Variants in TAAR2 observed in about 807,000 individuals in gnomAD.
TAAR2 encodes the protein trace amine-associated receptor 2.
A neutral mutation model predicts 25.5 loss-of-function variants in TAAR2; 30 were observed. The ratio of observed to expected loss-of-function variants is 1.18; its 90% CI spans 0.88 to 1.60. TAAR2 has a LOEUF of 1.60. TAAR2 is among the 40% of genes most tolerant of loss of function. The pLI, the probability that TAAR2 is intolerant of heterozygous loss-of-function variation, is 0.00. For missense variants in TAAR2, 481 were observed against 416.5 expected, an observed-to-expected ratio of 1.15 and a Z score of -1.35; for synonymous variants, 150 against 142.4, an observed-to-expected ratio of 1.05 and a Z score of -0.38.
In TAAR2 at chr6:132,617,603, G is replaced by A. The variant is rs753176941; in HGVS notation, c.603C>T (p.Cys201=). 1 of 1,613,960 alleles carries A rather than the reference G, an allele frequency of 6.2e-7. No individual in the cohort carries two copies. The highest frequency in any genetic ancestry group is 1.1e-5 in the South Asian group (1 of 91,082). Residue 201 remains cysteine (C), a synonymous_variant, in exon 2 of 2, where the codon TGC becomes TGT. Transcript: ENST00000367931. ...CCCATAGCTTGTTGAACATCACTGG[G>A]CAGGAACTGGAACAAGCAACCAAGA... ...YDILVACSSS[C]PVMFNKLWGT...
In TAAR2 at chr6:132,617,239, G is replaced by T. The variant is rs760868119; in HGVS notation, c.967C>A (p.Arg323Ser). The change falls in exon 2 of 2, where the codon CGC (arginine) becomes AGC (serine). Residue 323 changes from arginine (R) to serine (S), a missense_variant. Physicochemically the swap from Arg to Ser is moderately radical, Grantham distance 110 (BLOSUM62 -1). Transcript: ENST00000367931. ...LIYGFFYPWF[R>S]RALKYILLGK... ...AGCAAAATGTACTTCAGTGCTCTGC[G>T]AAACCAGGGATAGAAGAAACCATAT... The T allele has an allele frequency of 6.2e-7, 1 of 1,613,294 alleles. No individual in the cohort carries two copies.
Position 132,617,363 on chromosome 6 carries a change from T to C in TAAR2, c.843A>G (p.Thr281=). 1.2e-6 allele frequency: 2 copies of C among 1,613,642 alleles called. No individual in the cohort carries two copies. Among genetic ancestry groups the C allele is most frequent in the Non-Finnish European group, 1.7e-6 (2 of 1,179,838 alleles). The change falls in exon 2 of 2, where the codon ACA becomes ACG. Residue 281 remains threonine, a synonymous_variant. Transcript: ENST00000367931. ...FLLCWFPCFF[T]ILLDPFLNFS... ...AGTTCAAAAAGGGATCCAATAAAAT[T>C]GTGAAGAAACAAGGAAACCAACATA...
Position 132,617,616 on chromosome 6 carries a change from C to A in TAAR2, c.590G>T (p.Cys197Phe). 1.9e-6 allele frequency: 3 copies of A among 1,613,998 alleles called. No individual in the cohort carries two copies. Among genetic ancestry groups the A allele is most frequent in the African/African-American group, 1.3e-5 (1 of 75,036 alleles). Residue 197 changes from cysteine (C) to phenylalanine (F), a missense_variant, in exon 2 of 2, where the codon TGT becomes TTT. Transcript: ENST00000367931. Reference sequence around the variant, plus strand: ...GAACATCACTGGGCAGGAACTGGAACAAGCAACCAAGATGTCATAGCCCTC... The same window carrying A: ...GAACATCACTGGGCAGGAACTGGAAAAAGCAACCAAGATGTCATAGCCCTC... ...GIEGYDILVA[C>F]SSSCPVMFNK...
At chr6:132,622,617 CT>C (rs1777390129) in intron 1 of TAAR2, among the ~76,000 whole-genome samples, 1 of 151,000 alleles carries the variant, frequency 6.6e-6, no homozygotes, top group Non-Finnish European at 1.5e-5. Flanking sequence ...TCCTGAGTAG[CT>C]GGGACTACAG....
intron 1 of TAAR2, among the ~76,000 whole-genome samples, chr6:132,624,011 T>A (rs923281118): frequency 2.0e-5 from 3 of 152,180 alleles, no homozygotes; most frequent in Non-Finnish European, 4.4e-5. Flanking sequence ...CCATATTTTG[T>A]CTCACATGCT....
At chr6:132,618,954 C>T (rs1020196747) in intron 1 of TAAR2, among the ~76,000 whole-genome samples, 5 of 152,066 alleles carry the variant, frequency 3.3e-5, no homozygotes, top group African/African-American at 1.2e-4. Flanking sequence ...TTTATTCATA[C>T]GAATGTTGTT....
chr6:132,622,745 A>G (rs1777391854), intron 1 of TAAR2, among the ~76,000 whole-genome samples: 1 of 151,898 alleles, frequency 6.6e-6, no homozygotes, highest in Non-Finnish European at 1.5e-5. Flanking sequence ...TGGCCTCCCA[A>G]AGTTCTGGAA....
intron 1 of TAAR2, among the ~76,000 whole-genome samples, chr6:132,623,541 A>T (rs1452252676): frequency 6.6e-6 from 1 of 152,166 alleles, no homozygotes; most frequent in Non-Finnish European, 1.5e-5. Context: ...CATCTTCCAC[A>T]TACCGGCAGA....
rs745619816 is a variant in TAAR2 at position 132,617,556 on chromosome 6, C to T, written c.650G>A (p.Gly217Asp). The T allele has an allele frequency of 6.2e-7, 1 of 1,613,992 alleles. No homozygotes were observed. Among genetic ancestry groups the T allele is most frequent in the South Asian group, 1.1e-5 (1 of 91,076 alleles). Residue 217 changes from glycine to aspartate, a missense_variant, in exon 2 of 2, where the codon GGT becomes GAT. Coordinates refer to ENST00000367931, the MANE Select transcript of TAAR2 (RefSeq NM_001033080.1). ...CATCATAGACCCAGGAGTGAAGAAA[C>T]CTGCCATAAACAAGGTGGTCCCCCA... is the stretch of plus-strand genomic sequence containing the variant. Reference protein sequence around the residue: ...KLWGTTLFMAGFFTPGSMMVG... With the variant: ...KLWGTTLFMADFFTPGSMMVG...
rs534068630 is a variant in TAAR2, at chr6:132,624,241, T to A, written c.35A>T (p.His12Leu). The A allele has an allele frequency of 6.2e-7, 1 of 1,613,522 alleles. No homozygotes were observed. Among genetic ancestry groups the A allele is most frequent in the East Asian group, 2.2e-5 (1 of 44,788 alleles). Residue 12 changes from histidine to leucine, a missense_variant, in exon 1 of 2, where the codon CAT becomes CTT. His to Leu is a moderately conservative substitution (Grantham distance 99, BLOSUM62 -3). Coordinates refer to ENST00000367931, the MANE Select transcript of TAAR2 (RefSeq NM_001033080.1). The stretch of plus-strand genomic sequence containing the variant: ...CTTTTTTGTCTGTGTTCTTTTGAAA[T>A]GTGAAAGTTCATGTTGCTCTGATGA... ...AVSSEQHELS[H>L]FKRTQTKKEK...
intron 1 of TAAR2, among the ~76,000 whole-genome samples, chr6:132,621,741 C>G (rs1268821707): frequency 4.6e-5 from 7 of 152,112 alleles, no homozygotes; most frequent in African/African-American, 1.4e-4. Flanking sequence ...TACTAACGTT[C>G]TTGAAACACA....
At chr6:132,622,347 T>C (rs1270418008) in intron 1 of TAAR2, among the ~76,000 whole-genome samples, 2 of 151,206 alleles carry the variant, frequency 1.3e-5, no homozygotes, top group South Asian at 2.1e-4. Context: ...TTTTTTCTTT[T>C]TTTAAGGGGT....
chr6:132,617,656 A>G lies in TAAR2; in HGVS notation c.550T>C (p.Tyr184His). Residue 184 changes from tyrosine to histidine, a missense_variant, in exon 2 of 2, where the codon TAT becomes CAT. Transcript: ENST00000367931. The stretch of plus-strand genomic sequence containing the variant: ...TCATAGCCCTCTATTCCATCTGCAT[A>G]GGCCTCTGAGAAGACCACCCCGAAG... ...FAFGVVFSEA[Y>H]ADGIEGYDIL... is the part of the protein sequence containing the mutation. 6.2e-7 allele frequency: 1 copy of G among 1,613,980 alleles called. No homozygotes were observed. Among genetic ancestry groups the G allele is most frequent in the Middle Eastern group, 1.7e-4 (1 of 6,058 alleles).
At position 132,618,018 on chromosome 6, in the gene TAAR2, G is replaced by A; in HGVS notation, c.188C>T (p.Ala63Val). 1 of 1,614,008 alleles carries A rather than the reference G, an allele frequency of 6.2e-7. No homozygotes were observed. The highest frequency in any genetic ancestry group is 8.5e-7 in the Non-Finnish European group (1 of 1,179,962). ...GAAGTAGGAAATGGAAATTATCATG[G>A]CAAGATTGCCAAATATTGTGATGAA... The part of the protein sequence containing the change: ...SIFITIFGNL[A>V]MIISISYFKQ... The change falls in exon 2 of 2, where the codon GCC (alanine) becomes GTC (valine). Residue 63 changes from alanine to valine, a missense_variant. Transcript: ENST00000367931.
chr6:132,617,512 T>A lies in TAAR2; in HGVS notation c.694A>T (p.Ile232Phe). 1 of 1,613,948 alleles carries A rather than the reference T, an allele frequency of 6.2e-7. No homozygotes were observed. Among genetic ancestry groups the A allele is most frequent in the Non-Finnish European group, 8.5e-7 (1 of 1,179,946 alleles). Residue 232 changes from isoleucine (I) to phenylalanine (F), a missense_variant, in exon 2 of 2, where the codon ATT becomes TTT. Physicochemically the swap from Ile to Phe is conservative, Grantham distance 21. Coordinates refer to ENST00000367931, the MANE Select transcript of TAAR2 (RefSeq NM_001033080.1). ...GCATGTTTTCTGGATACTGCAAAAATTTTGCCATAAATCCCCACCATCATA... is the reference window on the plus strand; with the variant it reads ...GCATGTTTTCTGGATACTGCAAAAAATTTGCCATAAATCCCCACCATCATA... Reference protein sequence around the residue: ...GSMMVGIYGKIFAVSRKHAHA... With the variant: ...GSMMVGIYGKFFAVSRKHAHA...
Position 132,617,326 on chromosome 6 carries a change from C to G in TAAR2, c.880G>C (p.Val294Leu). 1 of 1,613,566 alleles carries G rather than the reference C, an allele frequency of 6.2e-7. No individual in the cohort carries two copies. Among genetic ancestry groups the G allele is most frequent in the South Asian group, 1.1e-5 (1 of 91,052 alleles). ...LDPFLNFSTP[V>L]VLFDALTWFG... ...CATGTCAAGGCATCAAACAAAACTACAGGAGTAGAGAAGTTCAAAAAGGGA... is the reference window on the plus strand; with the variant it reads ...CATGTCAAGGCATCAAACAAAACTAGAGGAGTAGAGAAGTTCAAAAAGGGA... Residue 294 changes from valine (V) to leucine (L), a missense_variant, in exon 2 of 2, where the codon GTA becomes CTA. Coordinates refer to ENST00000367931, the MANE Select transcript of TAAR2 (RefSeq NM_001033080.1).
intron 1 of TAAR2, among the ~76,000 whole-genome samples, chr6:132,620,524 C>T (rs1777357840): frequency 6.6e-6 from 1 of 152,092 alleles, no homozygotes; most frequent in African/African-American, 2.4e-5. Context: ...GGGTTTCTAA[C>T]CAAATACTGC....
At position 132,617,535 on chromosome 6, in the gene TAAR2, A is replaced by G. The variant is rs1212331542; in HGVS notation, c.671T>C (p.Met224Thr). Residue 224 changes from methionine (M) to threonine (T), a missense_variant, in exon 2 of 2, where the codon ATG becomes ACG. By Grantham distance (81) the Met-to-Thr change is moderately conservative. Transcript: ENST00000367931. ...AATTTTGCCATAAATCCCCACCATC[A>G]TAGACCCAGGAGTGAAGAAACCTGC... is the stretch of plus-strand genomic sequence containing the variant. ...FMAGFFTPGS[M>T]MVGIYGKIFA... The G allele has an allele frequency of 1.9e-6, 3 of 1,614,008 alleles. No individual in the cohort carries two copies. In the South Asian group the frequency reaches 3.3e-5, roughly 18 times the overall value.
At chr6:132,623,239 A>C (rs145218196) in intron 1 of TAAR2, among the ~76,000 whole-genome samples, 2,409 of 152,316 alleles carry the variant, frequency 0.016, 68 homozygotes, top group African/African-American at 0.055. Flanking sequence ...ACTTATAAGG[A>C]GGTAAGCTTT....
Sources: gnomAD v4.1 joint callset for allele counts (sites outside exome capture counted in the v4.1 genomes callset) on GRCh38, gnomAD v4.1.1 for gene constraint, MANE v1.5 for transcripts, NCBI Gene and HGNC (gene_info 2026-07-23, HGNC 2026-07-21) for gene names.